Variants in PCSK6 observed in about 807,000 individuals in gnomAD.
PCSK6 encodes proprotein convertase subtilisin/kexin type 6, also known as paired basic amino acid cleaving enzyme 4.
Under a neutral mutation model 123.3 loss-of-function variants are expected in PCSK6, and 85 were observed. That is an observed-to-expected ratio of 0.69 (90% CI 0.58 to 0.83). The LOEUF is 0.83. PCSK6 is among the 40% of genes least tolerant of loss of function. PCSK6 has a pLI of 0.00. For synonymous variants in PCSK6, 508 were observed against 516.0 expected (o/e 0.98, Z 0.21); for missense variants, 1,191 against 1,282.3 (o/e 0.93, Z 1.09).
chr15:101,465,321 T>C (rs568234424), intron 1 of PCSK6, among the ~76,000 whole-genome samples: 45 of 61,186 alleles, frequency 7.4e-4, no homozygotes, highest in African/African-American at 2.3e-3. Flanking sequence ...GCACTGATTC[T>C]ACAGCCCTGA....
At chr15:101,473,629 G>A (rs996718927) in intron 1 of PCSK6, among the ~76,000 whole-genome samples, 12 of 152,336 alleles carry the variant, frequency 7.9e-5, no homozygotes, top group South Asian at 6.2e-4. Context: ...GTGCTAAAAT[G>A]AATGGTTGTA....
chr15:101,340,322 G>A (rs2040573015), intron 13 of PCSK6, among the ~76,000 whole-genome samples: 1 of 152,182 alleles, frequency 6.6e-6, no homozygotes, highest in Non-Finnish European at 1.5e-5. Context: ...AACCCTGAAA[G>A]ATGGTATTTT....
intron 6 of PCSK6, among the ~76,000 whole-genome samples, chr15:101,403,651 T>C (rs1296760098): frequency 6.6e-6 from 1 of 152,196 alleles, no homozygotes; most frequent in Non-Finnish European, 1.5e-5. Flanking sequence ...GTCCTCCCTG[T>C]CACCCCCAGC....
chr15:101,331,802 A>T (rs746481051), intron 14 of PCSK6, 50 bp downstream of exon 14: 1 of 1,607,256 alleles, frequency 6.2e-7, no homozygotes, highest in Non-Finnish European at 8.5e-7. Flanking sequence ...TACTCTGGAC[A>T]ATCAAAGCTC....
At chr15:101,434,618 G>A (rs117855900) in intron 2 of PCSK6, among the ~76,000 whole-genome samples, 10 of 152,222 alleles carry the variant, frequency 6.6e-5, no homozygotes, top group African/African-American at 1.4e-4. Flanking sequence ...TCTCTCTGTC[G>A]TGGTCGCAGG....
chr15:101,426,843 G>C (rs150196596), intron 6 of PCSK6, among the ~76,000 whole-genome samples: 346 of 139,798 alleles, frequency 2.5e-3, no homozygotes, highest in African/African-American at 9.6e-3. Context: ...GCGGCTGCAG[G>C]CACCCTCACC....
intron 2 of PCSK6, among the ~76,000 whole-genome samples, chr15:101,440,169 A>C (rs1206181867): frequency 6.6e-6 from 1 of 152,232 alleles, no homozygotes; most frequent in Non-Finnish European, 1.5e-5. Flanking sequence ...AGTTTGCTTA[A>C]ATGACAAGCC....
At position 101,305,601 on chromosome 15, in the gene PCSK6, G is replaced by T; in HGVS notation, c.2813-246C>A. On this transcript the variant is annotated intron_variant, in intron 21 of 21. Transcript: ENST00000611716. The surrounding 1 kb of genome is among the most constrained non-coding windows in gnomAD (Gnocchi z 4.8). ...TGGGCACCTGTAATCCAAGCTACTC[G>T]GGAGGCTAAAGCAGGAGAACCACCT... 2.4e-6 allele frequency: 1 copy of T among 416,690 alleles called. No homozygotes were observed. Among genetic ancestry groups the T allele is most frequent in the South Asian group, 2.7e-5 (1 of 37,134 alleles). The allele number at this position is 416,690 out of a possible 1,614,324, so 25.8% of individuals were successfully genotyped here.
chr15:101,412,128 G>A (rs2055708472), intron 6 of PCSK6, among the ~76,000 whole-genome samples: 3 of 152,144 alleles, frequency 2.0e-5, no homozygotes, highest in South Asian at 2.1e-4. Flanking sequence ...TGGGGGCCCT[G>A]GACAACCTAC....
intron 1 of PCSK6, among the ~76,000 whole-genome samples, chr15:101,473,126 G>A (rs1567248177): frequency 6.6e-6 from 1 of 152,216 alleles, no homozygotes; most frequent in Non-Finnish European, 1.5e-5. Context: ...CCAGGCTGGA[G>A]TGCAGTGGCA....
At chr15:101,329,906 C>G (rs192510024) in intron 15 of PCSK6, among the ~76,000 whole-genome samples, 13 of 152,318 alleles carry the variant, frequency 8.5e-5, no homozygotes, top group Admixed American at 6.5e-4. Context: ...TCTGCCAGCT[C>G]CCTAAGCCCA....
chr15:101,444,929 G>C lies in PCSK6; in HGVS notation c.298-1269C>G, dbSNP rs536054725. Among the ~76,000 whole-genome samples, 21 of 152,244 alleles carry C rather than the reference G, an allele frequency of 1.4e-4. No individual in the cohort carries two copies. The South Asian group carries it at 4.2e-3, about 30-fold the overall frequency. ...CAGGAGTGCAAGAGAGAGCCTCCCA[G>C]CCCCTTTGCTTCCCTTCAGTTCTCC... On this transcript the variant is annotated intron_variant, in intron 1 of 21. Coordinates refer to ENST00000611716, the MANE Select transcript of PCSK6 (RefSeq NM_002570.5).
Position 101,331,701 on chromosome 15 carries a change from C to A in PCSK6, c.2039-12G>T. On this transcript the variant is annotated splice_polypyrimidine_tract_variant and intron_variant, in intron 14 of 21. Coordinates refer to ENST00000611716, the MANE Select transcript of PCSK6 (RefSeq NM_002570.5). Reference sequence around the variant, plus strand: ...TGGGGTGGATTGAGCTGTGTGAGTGCAAATTGCCATGATTATTATGACTCC... The same window carrying A: ...TGGGGTGGATTGAGCTGTGTGAGTGAAAATTGCCATGATTATTATGACTCC... 6.2e-7 allele frequency: 1 copy of A among 1,610,832 alleles called. No homozygotes were observed. Among genetic ancestry groups the A allele is most frequent in the East Asian group, 2.2e-5 (1 of 44,774 alleles).
chr15:101,370,000 A>G (rs2041528718), intron 12 of PCSK6, among the ~76,000 whole-genome samples: 1 of 152,232 alleles, frequency 6.6e-6, no homozygotes, highest in Non-Finnish European at 1.5e-5. Flanking sequence ...ATGACCTTTA[A>G]TGCACTTCTA....
At chr15:101,309,173 G>C (rs1288213958) in intron 20 of PCSK6, 2 of 152,708 alleles carry the variant, frequency 1.3e-5, no homozygotes, top group African/African-American at 4.8e-5. Flanking sequence ...AGGTGCAGCT[G>C]GGCTCTCCAC....
Position 101,393,180 on chromosome 15 carries a change from T to C in PCSK6, c.1209+32A>G, listed in dbSNP as rs1164248669. ...ATTCCCAGAGGGCTGAGGCACTCAC[T>C]GTAAGCACTCCAACTTGCCAAGAGA... On this transcript the variant is annotated intron_variant, in intron 8 of 21. Transcript: ENST00000611716. 2.0e-6 allele frequency: 3 copies of C among 1,532,646 alleles called. No homozygotes were observed. In the East Asian group the frequency reaches 6.8e-5, roughly 35 times the overall value. The allele number at this position is 1,532,646 out of a possible 1,614,324, so 94.9% of individuals were successfully genotyped here.
chr15:101,461,965 T>G (rs1273598057), intron 1 of PCSK6, among the ~76,000 whole-genome samples: 3 of 152,132 alleles, frequency 2.0e-5, no homozygotes, highest in African/African-American at 7.2e-5. Flanking sequence ...AAAGTTCTAG[T>G]CAACAACAGC....
At chr15:101,429,360 C>T (rs1281643169) in intron 5 of PCSK6, among the ~76,000 whole-genome samples, 2 of 152,122 alleles carry the variant, frequency 1.3e-5, no homozygotes, top group Non-Finnish European at 2.9e-5. Context: ...CAAAAACGCC[C>T]ACCATTTCGG....
intron 1 of PCSK6, among the ~76,000 whole-genome samples, chr15:101,482,181 G>A (rs1255639262): frequency 1.3e-5 from 2 of 152,276 alleles, no homozygotes; most frequent in Non-Finnish European, 2.9e-5. Flanking sequence ...GTCAGAGGGT[G>A]TGGGGTCCGG....
Sources: allele counts gnomAD v4.1 joint callset (sites outside exome capture counted in the v4.1 genomes callset), GRCh38; gene constraint gnomAD v4.1.1; non-coding constraint Gnocchi (gnomAD v3.1); transcripts MANE v1.5; gene names NCBI Gene and HGNC (gene_info 2026-07-23, HGNC 2026-07-21).